CDH13: variants seen among roughly 807,000 people sequenced by gnomAD.
CDH13 encodes cadherin 13, also known as cadherin-13.
A neutral mutation model predicts 63.8 loss-of-function variants in CDH13; 24 were observed. The ratio of observed to expected loss-of-function variants is 0.38; its 90% CI spans 0.27 to 0.53. CDH13 has a LOEUF of 0.53. CDH13 is among the 20% of genes least tolerant of loss of function. The probability of loss-of-function intolerance (pLI) is 0.85; values close to 1 mark genes in which losing one functional copy is unlikely to be tolerated. For missense variants in CDH13, 1,049 were observed against 903.1 expected, an observed-to-expected ratio of 1.16 and a Z score of -2.07; for synonymous variants, 503 against 355.3, an observed-to-expected ratio of 1.42 and a Z score of -4.67.
At chr16:82,833,650 C>G (rs557777995) in intron 1 of CDH13, among the ~76,000 whole-genome samples, 1 of 152,292 alleles carries the variant, frequency 6.6e-6, no homozygotes, top group African/African-American at 2.4e-5. Context: ...TCCATCTGTC[C>G]AGGTAATAGC....
At chr16:82,694,334 T>C (rs561969619) in intron 1 of CDH13, among the ~76,000 whole-genome samples, 46 of 152,338 alleles carry the variant, frequency 3.0e-4, no homozygotes, top group Non-Finnish European at 6.2e-4. Flanking sequence ...AGGCAGACTT[T>C]GGTATTTCAC....
At chr16:83,421,486 A>G (rs942735003) in intron 6 of CDH13, among the ~76,000 whole-genome samples, 24 of 152,162 alleles carry the variant, frequency 1.6e-4, no homozygotes, top group Non-Finnish European at 3.1e-4. Context: ...TTATTGCCTG[A>G]TGGTTGCAAG....
intron 2 of CDH13, among the ~76,000 whole-genome samples, chr16:82,956,049 G>A (rs906814962): frequency 2.0e-5 from 3 of 152,134 alleles, no homozygotes; most frequent in African/African-American, 7.2e-5. Context: ...CAAGTGCAAA[G>A]TTAAACTCAA....
At chr16:82,903,600 G>A (rs193093752) in intron 2 of CDH13, among the ~76,000 whole-genome samples, 18 of 152,156 alleles carry the variant, frequency 1.2e-4, no homozygotes, top group South Asian at 4.2e-4. Flanking sequence ...TGTTTTAGTC[G>A]TGAGCTAACT....
intron 2 of CDH13, among the ~76,000 whole-genome samples, chr16:83,024,614 A>G (rs983858906): frequency 6.6e-6 from 1 of 152,214 alleles, no homozygotes; most frequent in Admixed American, 6.5e-5. Context: ...ACAGAACACC[A>G]AAAGTTCCTA....
chr16:82,958,772 G>A (rs1006598676), intron 2 of CDH13, among the ~76,000 whole-genome samples: 1 of 152,252 alleles, frequency 6.6e-6, no homozygotes, highest in Non-Finnish European at 1.5e-5. Context: ...GTGAAAAGCA[G>A]GAAAGAGAGA....
intron 5 of CDH13, among the ~76,000 whole-genome samples, chr16:83,324,167 T>G (rs779961546): frequency 1.1e-4 from 17 of 151,850 alleles, no homozygotes; most frequent in Non-Finnish European, 2.4e-4. Context: ...CTCCTGAGTA[T>G]CTGCGATGAC....
At chr16:83,762,497 T>C (rs752206795) in intron 11 of CDH13, among the ~76,000 whole-genome samples, 28 of 152,162 alleles carry the variant, frequency 1.8e-4, no homozygotes, top group Non-Finnish European at 3.4e-4. Flanking sequence ...GCAGTAGCAA[T>C]TAGCACTGGC....
intron 10 of CDH13, among the ~76,000 whole-genome samples, chr16:83,687,298 A>C (rs541920711): frequency 1.2e-4 from 19 of 152,306 alleles, no homozygotes; most frequent in African/African-American, 4.3e-4. Flanking sequence ...TTTATAAAGA[A>C]AATGATTTAA....
At chr16:83,136,503 A>AAG (rs1567865439) in intron 4 of CDH13, among the ~76,000 whole-genome samples, 5 of 149,696 alleles carry the variant, frequency 3.3e-5, no homozygotes, top group Non-Finnish European at 4.4e-5. Context: ...AAAAAAAAAA[A>AAG]AAAAGAAATA....
chr16:82,975,457 G>T (rs1451750932), intron 2 of CDH13, among the ~76,000 whole-genome samples: 1 of 152,168 alleles, frequency 6.6e-6, no homozygotes, highest in Non-Finnish European at 1.5e-5. Context: ...TAACCTCTCT[G>T]ATCCTTGGCA....
intron 5 of CDH13, among the ~76,000 whole-genome samples, chr16:83,220,733 T>A (rs1210031121): frequency 6.6e-6 from 1 of 151,824 alleles, no homozygotes; most frequent in African/African-American, 2.4e-5. Flanking sequence ...CGCCAATGTT[T>A]CTGTTGTTTA....
Position 83,345,019 on chromosome 16 carries a change from G to T in CDH13, c.781+13G>T. The T allele has an allele frequency of 6.2e-7, 1 of 1,613,002 alleles. No individual in the cohort carries two copies. The highest frequency in any genetic ancestry group is 1.1e-5 in the South Asian group (1 of 90,990). ...GGGTCACCCACAGGTATGTCACATT[G>T]GCTTACCTTTAGCGTAATGGCTTGG... On this transcript the variant is annotated intron_variant, in intron 6 of 13. Transcript: ENST00000567109.
chr16:83,431,339 T>C (rs2072100426), intron 6 of CDH13, among the ~76,000 whole-genome samples: 1 of 151,720 alleles, frequency 6.6e-6, no homozygotes, highest in Non-Finnish European at 1.5e-5. Flanking sequence ...CAACCATAGG[T>C]TAGAGTTCTT....
chr16:83,299,160 G>C (rs1238792003), intron 5 of CDH13, among the ~76,000 whole-genome samples: 1 of 151,996 alleles, frequency 6.6e-6, no homozygotes, highest in Non-Finnish European at 1.5e-5. Flanking sequence ...AATCTGAATG[G>C]AGATAATATC....
chr16:83,148,546 C>T (rs943990616), intron 4 of CDH13, among the ~76,000 whole-genome samples: 4 of 152,184 alleles, frequency 2.6e-5, no homozygotes, highest in Non-Finnish European at 5.9e-5. Context: ...ATTTTATGCA[C>T]CTGCACAGTG....
chr16:82,710,025 A>G (rs1019234521), intron 1 of CDH13, among the ~76,000 whole-genome samples: 2 of 151,736 alleles, frequency 1.3e-5, no homozygotes, highest in African/African-American at 4.8e-5. Context: ...GCTGACAAAG[A>G]CTGCCTTAAA....
At chr16:82,735,046 G>T (rs1262864924) in intron 1 of CDH13, among the ~76,000 whole-genome samples, 1 of 152,150 alleles carries the variant, frequency 6.6e-6, no homozygotes, top group Non-Finnish European at 1.5e-5. Flanking sequence ...GAACCAGGAG[G>T]TGGCCAAGAG....
rs72791418 is a variant in CDH13, at chr16:83,495,360, T to C, written c.960+8705T>C. 5.9e-5 allele frequency among the ~76,000 whole-genome samples: 9 copies of C among 152,254 alleles called. No individual in the cohort carries two copies. In the East Asian group the frequency reaches 1.7e-3, roughly 29 times the overall value. Reference sequence around the variant, plus strand: ...AATTGGTTGAAAGAGTTTAAAGACCTGGAATCAATAGAAAGGAAATGTCTA... The same window carrying C: ...AATTGGTTGAAAGAGTTTAAAGACCCGGAATCAATAGAAAGGAAATGTCTA... On this transcript the variant is annotated intron_variant, in intron 7 of 13. Transcript: ENST00000567109.
Sources: gnomAD v4.1 joint callset for allele counts (sites outside exome capture counted in the v4.1 genomes callset) on GRCh38, gnomAD v4.1.1 for gene constraint, MANE v1.5 for transcripts, NCBI Gene and HGNC (gene_info 2026-07-23, HGNC 2026-07-21) for gene names.